Variants in ADGRG2 observed in about 807,000 individuals in gnomAD.
ADGRG2 encodes adhesion G protein-coupled receptor G2.
A neutral mutation model predicts 74.1 loss-of-function variants in ADGRG2; 26 were observed. The ratio of observed to expected loss-of-function variants is 0.35; its 90% confidence interval spans 0.26 to 0.49. ADGRG2 has a LOEUF of 0.49. ADGRG2 is among the 20% of genes least tolerant of loss of function. ADGRG2 has a pLI of 0.99. For synonymous variants in ADGRG2, 296 were observed against 295.2 expected (o/e 1.00, Z -0.03); for missense variants, 619 against 763.1 (o/e 0.81, Z 2.22).
At chrX:19,030,379 C>T (rs1024864206) in intron 9 of ADGRG2, among the ~76,000 whole-genome samples, 7 of 112,050 alleles carry the variant, frequency 6.2e-5, no homozygotes, top group Non-Finnish European at 9.4e-5. Context: ...TGGCCCATGG[C>T]AGAAGGGAAA....
chrX:18,995,888 A>AT (rs1303016808), intron 27 of ADGRG2, among the ~76,000 whole-genome samples, 163 bp downstream of exon 27: 17 of 111,173 alleles, frequency 1.5e-4, no homozygotes, highest in South Asian at 3.7e-4. Context: ...AATTCACTAG[A>AT]TTTTTTTTTC....
intron 1 of ADGRG2, among the ~76,000 whole-genome samples, chrX:19,110,610 C>T (rs751749152): frequency 8.4e-5 from 9 of 107,506 alleles, no homozygotes; most frequent in Admixed American, 4.0e-4. Flanking sequence ...CACTTGAACC[C>T]GGGAGACAGG....
At chrX:19,049,580 C>T (rs2061275922) in intron 3 of ADGRG2, among the ~76,000 whole-genome samples, 1 of 109,096 alleles carries the variant, frequency 9.2e-6, no homozygotes, top group South Asian at 4.0e-4. Flanking sequence ...ACATGTGGCC[C>T]AATACAAATT....
chrX:19,106,661 G>A (rs1402171642), intron 1 of ADGRG2, among the ~76,000 whole-genome samples: 3 of 111,505 alleles, frequency 2.7e-5, no homozygotes, highest in Non-Finnish European at 5.7e-5. Flanking sequence ...GCTCACGCCT[G>A]TAATCCCAGC....
chrX:19,079,161 G>C (rs1022720273), intron 2 of ADGRG2, among the ~76,000 whole-genome samples: 4 of 111,461 alleles, frequency 3.6e-5, no homozygotes, highest in Middle Eastern at 9.3e-3. Flanking sequence ...GAAAACTCCA[G>C]GCCCAGATGG....
chrX:19,081,268 T>C (rs986586962), intron 2 of ADGRG2, among the ~76,000 whole-genome samples: 13 of 112,061 alleles, frequency 1.2e-4, no homozygotes, highest in Admixed American at 9.5e-5. Flanking sequence ...AAAGATTTTT[T>C]CATTGATTTG....
intron 3 of ADGRG2, among the ~76,000 whole-genome samples, chrX:19,060,963 G>A (rs139222047): frequency 3.8e-4 from 42 of 111,833 alleles, no homozygotes; most frequent in African/African-American, 1.4e-3. Flanking sequence ...ATGACATAAT[G>A]TTCGAGGATC....
intron 8 of ADGRG2, chrX:19,032,182 T>TA (rs1440852401): frequency 8.9e-6 from 1 of 111,927 alleles, no homozygotes; most frequent in Non-Finnish European, 1.9e-5. Flanking sequence ...ACAGGCATCA[T>TA]GCTTTAGCGA....
In ADGRG2 at chrX:18,999,145, C is replaced by T. The variant is rs750859710; in HGVS notation, c.2465G>A (p.Gly822Glu). ...TTGAATACTGGTTTTTCGCTGGGCT[C>T]CCAGTTGCTTCTTCTTTTTAATTCG... ...LCRIKKKKQL[G>E]AQRKTSIQDL... Residue 822 changes from glycine (G) to glutamate (E), a missense_variant, in exon 26 of 29, where the codon GGA becomes GAA. Physicochemically the swap from Gly to Glu is moderately conservative, Grantham distance 98. Around this residue, in one of 3 missense-constraint regions of ADGRG2, gnomAD observed 221 missense variants for 340.6 expected, o/e 0.65. Transcript: ENST00000379869. The T allele has an allele frequency of 8.3e-7, 1 of 1,211,072 alleles. No individual in the cohort carries two copies. The highest frequency in any genetic ancestry group is 3.0e-5 in the East Asian group (1 of 33,833).
chrX:19,023,783 A>G, intron 12 of ADGRG2, 126 bp downstream of exon 12: 1 of 510,389 alleles, frequency 2.0e-6, no homozygotes, highest in Admixed American at 3.4e-5. Context: ...AAACTAGTCC[A>G]TTCATTCTCT....
At chrX:19,084,610 C>G (rs1481236427) in intron 1 of ADGRG2, among the ~76,000 whole-genome samples, 1 of 112,180 alleles carries the variant, frequency 8.9e-6, no homozygotes, top group African/African-American at 3.2e-5. Context: ...AGAAAGAAAT[C>G]TATTGTGACT....
intron 3 of ADGRG2, among the ~76,000 whole-genome samples, chrX:19,042,677 C>T (rs1186078133): frequency 9.0e-6 from 1 of 111,462 alleles, no homozygotes; most frequent in Non-Finnish European, 1.9e-5. Context: ...GGCTTATAAT[C>T]AAGAGCTGAA....
At chrX:19,059,265 T>C (rs2061448657) in intron 3 of ADGRG2, among the ~76,000 whole-genome samples, 1 of 111,711 alleles carries the variant, frequency 9.0e-6, no homozygotes, top group Admixed American at 9.5e-5. Flanking sequence ...GGGAAGTGGT[T>C]AAGAACACGA....
At chrX:19,043,133 G>A (rs2061104926) in intron 3 of ADGRG2, among the ~76,000 whole-genome samples, 1 of 111,829 alleles carries the variant, frequency 8.9e-6, no homozygotes, top group South Asian at 3.8e-4. Context: ...ATTAAAGCTA[G>A]AGATTTTTAA....
At chrX:19,094,700 C>T (rs1331527981) in intron 1 of ADGRG2, among the ~76,000 whole-genome samples, 1 of 112,718 alleles carries the variant, frequency 8.9e-6, no homozygotes, top group Non-Finnish European at 1.9e-5. Context: ...CTCCCAGCAT[C>T]AACTCTACCT....
Position 19,116,501 on chromosome X carries a change from C to T in ADGRG2, c.-47+5941G>A, listed in dbSNP as rs766738134. 6.4e-4 allele frequency among the ~76,000 whole-genome samples: 45 copies of T among 69,960 alleles called. No individual in the cohort carries two copies. In the East Asian group the frequency reaches 0.016, roughly 25 times the overall value. The allele number at this position is 69,960 out of a possible 115,157, so 60.8% of individuals were successfully genotyped here. On this transcript the variant is annotated intron_variant, in intron 1 of 28. Transcript: ENST00000379869. ...AGTCCAGCCTCAGCAACAGAGATTC[C>T]GTCTCAAAAAAAAAAAAAAAAAAAA...
At chrX:19,038,575 G>T (rs1459932745) in intron 4 of ADGRG2, among the ~76,000 whole-genome samples, 1 of 111,611 alleles carries the variant, frequency 9.0e-6, no homozygotes, top group East Asian at 2.8e-4. Context: ...TGCTCTTGGG[G>T]CAGAACAAAA....
At chrX:19,074,914 G>A (rs5955518) in intron 2 of ADGRG2, among the ~76,000 whole-genome samples, 33,217 of 109,022 alleles carry the variant, frequency 0.3, 4,093 homozygotes, top group African/African-American at 0.44. Context: ...AGATAGAAAG[G>A]AATTGCCAGG....
chrX:19,048,843 C>G (rs757796278), intron 3 of ADGRG2, among the ~76,000 whole-genome samples: 7 of 112,335 alleles, frequency 6.2e-5, no homozygotes, highest in Non-Finnish European at 1.3e-4. Context: ...CTGGTAGCTT[C>G]TAGAGCTATT....
Sources: allele counts gnomAD v4.1 joint callset (sites outside exome capture counted in the v4.1 genomes callset), GRCh38; gene constraint gnomAD v4.1.1; regional missense constraint gnomAD v4.1.1; transcripts MANE v1.5; gene names NCBI Gene and HGNC (gene_info 2026-07-23, HGNC 2026-07-21).